TMEM183A: variants seen among roughly 807,000 people sequenced by gnomAD.
The protein encoded by TMEM183A is transmembrane protein 183A.
Under a neutral mutation model 46.7 loss-of-function variants are expected in TMEM183A, and 21 were observed. That is an observed-to-expected ratio of 0.45 (90% CI 0.32 to 0.65). TMEM183A has a LOEUF of 0.65. Ranked by LOEUF, TMEM183A falls within the 30% of genes least tolerant of loss-of-function variation. TMEM183A has a pLI of 0.04. For missense variants in TMEM183A, 331 were observed against 481.9 expected (o/e 0.69, Z 2.93); for synonymous variants, 165 against 180.2 (o/e 0.92, Z 0.68).
intron 7 of TMEM183A, among the ~76,000 whole-genome samples, chr1:203,021,227 T>G (rs568943540): frequency 9.2e-4 from 140 of 152,252 alleles, no homozygotes; most frequent in Non-Finnish European, 1.4e-3. Flanking sequence ...AATGGGTGTC[T>G]CACAGCGTTG....
At chr1:203,020,406 G>C (rs145262121) in intron 6 of TMEM183A, among the ~76,000 whole-genome samples, 20 of 152,224 alleles carry the variant, frequency 1.3e-4, no homozygotes, top group Non-Finnish European at 1.2e-4. Context: ...TTTATTTTAT[G>C]GTGTCTGGAA....
At chr1:203,019,274 C>G (rs1157497580) in intron 6 of TMEM183A, among the ~76,000 whole-genome samples, 1 of 152,112 alleles carries the variant, frequency 6.6e-6, no homozygotes, top group Non-Finnish European at 1.5e-5. Context: ...ATCCGAAGTG[C>G]CATGAAAACA....
chr1:203,013,583 C>G lies in TMEM183A; in HGVS notation c.368-1306C>G, dbSNP rs1032047527. On this transcript the variant is annotated intron_variant, in intron 3 of 7. Coordinates refer to ENST00000367242, the MANE Select transcript of TMEM183A (RefSeq NM_138391.6). The surrounding 1 kb of genome is among the most constrained non-coding windows in gnomAD (Gnocchi z 4.0). The stretch of plus-strand genomic sequence containing the variant: ...CTGGAGTGCAGTGGCGCTATCTCGG[C>G]TCACTGCAAGCTCCGCCTCCTGGGT... Among the ~76,000 whole-genome samples, 1 of 151,926 alleles carries G rather than the reference C, an allele frequency of 6.6e-6. No individual in the cohort carries two copies. Among genetic ancestry groups the G allele is most frequent in the Admixed American group, 6.5e-5 (1 of 15,276 alleles).
At chr1:203,020,147 G>A (rs1313042390) in intron 6 of TMEM183A, among the ~76,000 whole-genome samples, 1 of 151,636 alleles carries the variant, frequency 6.6e-6, no homozygotes, top group Non-Finnish European at 1.5e-5. Context: ...TGTAATTAAA[G>A]TAAACCTTAT....
rs1657967400 is a variant in TMEM183A, at chr1:203,024,100, T to TA, written c.*1064dup. On this transcript the variant is annotated 3_prime_UTR_variant, in exon 8 of 8. Transcript: ENST00000367242. ...ACTGTTAGAAGGGCATTTATTAGGCTAAAACGTCATTAACAAAATGCATTG... is the reference window on the plus strand; with the variant it reads ...ACTGTTAGAAGGGCATTTATTAGGCTAAAAACGTCATTAACAAAATGCATTG... The TA allele has an allele frequency of 6.6e-6, 1 of 152,226 alleles. No homozygotes were observed. Among genetic ancestry groups the TA allele is most frequent in the African/African-American group, 2.4e-5 (1 of 41,452 alleles). The allele number at this position is 152,226 out of a possible 1,614,324, so 9.4% of individuals were successfully genotyped here. A position where few individuals can be genotyped will look rare whatever the true frequency, so the allele number is the denominator to read the frequency against.
intron 5 of TMEM183A, among the ~76,000 whole-genome samples, chr1:203,018,277 A>G (rs2102562205): frequency 6.6e-6 from 1 of 152,262 alleles, no homozygotes; most frequent in East Asian, 1.9e-4. Context: ...TCCTTATTGA[A>G]CAGCCCTGGG....
intron 7 of TMEM183A, 79 bp downstream of exon 7, chr1:203,021,027 CTTTTTTT>C (rs869177251): frequency 1.1e-5 from 8 of 697,544 alleles, no homozygotes; most frequent in African/African-American, 3.1e-5. Flanking sequence ...AACCGCAGCT[CTTTTTTT>C]TTTTTTTTTT....
intron 3 of TMEM183A, among the ~76,000 whole-genome samples, chr1:203,014,287 G>A (rs1656956920): frequency 6.6e-6 from 1 of 152,068 alleles, no homozygotes; most frequent in Non-Finnish European, 1.5e-5. Context: ...ATGATACAAC[G>A]TGTGCAAAGG....
At chr1:203,021,216 C>A (rs879000342) in intron 7 of TMEM183A, among the ~76,000 whole-genome samples, 2 of 151,908 alleles carry the variant, frequency 1.3e-5, no homozygotes, top group Admixed American at 1.3e-4. Context: ...TTTTTTGTTG[C>A]AATGGGTGTC....
At chr1:203,017,718 A>C in intron 5 of TMEM183A, 1 of 985,730 alleles carries the variant, frequency 1.0e-6, no homozygotes. Context: ...TCTGGACTCT[A>C]GCTTTTCGTA....
Position 203,007,588 on chromosome 1 carries a change from G to C in TMEM183A, c.109+14G>C, listed in dbSNP as rs1264665952. ...GCTCCGGCCGAGGTGGGCGAGGGGG[G>C]CAGGGGCGCTGAAACATTTTGGGGG... On this transcript the variant is annotated intron_variant, in intron 1 of 7. Transcript: ENST00000367242. The C allele has an allele frequency of 6.5e-7, 1 of 1,541,688 alleles. No homozygotes were observed. The highest frequency in any genetic ancestry group is 1.2e-5 in the South Asian group (1 of 84,946).
chr1:203,016,278 T>C, intron 5 of TMEM183A, 138 bp downstream of exon 5: 4 of 1,234,780 alleles, frequency 3.2e-6, no homozygotes, highest in Non-Finnish European at 4.5e-6. Flanking sequence ...ACTTCAGGGC[T>C]CAGAGATTTC....
rs758578908 is a variant in TMEM183A at position 203,022,945 on chromosome 1, A to G, written c.1036A>G (p.Ser346Gly). 1.2e-6 allele frequency: 2 copies of G among 1,612,932 alleles called. No homozygotes were observed. The highest frequency in any genetic ancestry group is 2.2e-5 in the East Asian group (1 of 44,840). Residue 346 changes from serine to glycine, a missense_variant, in exon 8 of 8, where the codon AGT becomes GGT. Ser to Gly is a moderately conservative substitution (Grantham distance 56). Around this residue, in one of 2 missense-constraint regions of TMEM183A, gnomAD observed 233 missense variants for 385.8 expected, o/e 0.60. Transcript: ENST00000367242. ...TGTCCATGGTGGTCGGAAACTGCGC[A>G]GTGAACAGGGTGTGCAAGTCATCCT... ...SPVHGGRKLR[S>G]EQGVQVILDP... is the part of the protein sequence containing the mutation.
chr1:203,016,272 C>G (rs1231726814), intron 5 of TMEM183A, 132 bp downstream of exon 5: 5 of 1,313,072 alleles, frequency 3.8e-6, no homozygotes, highest in Non-Finnish European at 4.2e-6. Flanking sequence ...ATGTAAACTT[C>G]AGGGCTCAGA....
intron 6 of TMEM183A, among the ~76,000 whole-genome samples, chr1:203,018,983 C>G (rs951132387): frequency 6.6e-6 from 1 of 152,154 alleles, no homozygotes; most frequent in African/African-American, 2.4e-5. Context: ...GATTAAGTGT[C>G]CACATGAATT....
intron 3 of TMEM183A, among the ~76,000 whole-genome samples, chr1:203,011,510 G>A (rs548736013): frequency 1.1e-4 from 17 of 152,168 alleles, no homozygotes; most frequent in Non-Finnish European, 1.9e-4. Context: ...GGGTTCAAGC[G>A]ATTCTCCTAC....
intron 3 of TMEM183A, among the ~76,000 whole-genome samples, chr1:203,010,138 C>CAAA (rs3041263): frequency 3.9e-4 from 54 of 139,772 alleles, no homozygotes; most frequent in Admixed American, 7.1e-4. Flanking sequence ...GACTCTGTCT[C>CAAA]AAAAAAAAAA....
chr1:203,012,268 C>CACACACACACACACACAA, intron 3 of TMEM183A, among the ~76,000 whole-genome samples: 1 of 149,448 alleles, frequency 6.7e-6, no homozygotes, highest in Admixed American at 7.0e-5. Flanking sequence ...CACACACACA[C>CACACACACACACACACAA]ACACACACAC....
intron 7 of TMEM183A, among the ~76,000 whole-genome samples, chr1:203,021,991 A>C (rs1474578213): frequency 6.6e-6 from 1 of 152,166 alleles, no homozygotes; most frequent in Non-Finnish European, 1.5e-5. Flanking sequence ...CTGTTCTCTT[A>C]ATGTGTCTGT....
Sources: gnomAD v4.1 joint callset for allele counts (sites outside exome capture counted in the v4.1 genomes callset) on GRCh38, gnomAD v4.1.1 for gene constraint, gnomAD v4.1.1 regional missense constraint, Gnocchi (gnomAD v3.1) non-coding constraint, MANE v1.5 for transcripts, NCBI Gene and HGNC (gene_info 2026-07-23, HGNC 2026-07-21) for gene names.